Variants in CA8 observed in about 807,000 individuals in gnomAD.
CA8 encodes the protein carbonic anhydrase-related protein.
In CA8, 22 loss-of-function variants were observed where a neutral mutation model predicts 41.4. The ratio of observed to expected loss-of-function variants is 0.53; its 90% CI spans 0.38 to 0.76. The LOEUF (loss-of-function observed/expected upper bound fraction) is 0.76, where lower values mean the gene tolerates loss of function less well. CA8 is among the 30% of genes least tolerant of loss of function. CA8 has a pLI of 0.00. For missense variants in CA8, 270 were observed against 352.8 expected, an observed-to-expected ratio of 0.77 and a Z score of 1.88; for synonymous variants, 121 against 130.6, an observed-to-expected ratio of 0.93 and a Z score of 0.50.
intron 3 of CA8, among the ~76,000 whole-genome samples, chr8:60,243,672 C>T (rs1808121819): frequency 1.3e-5 from 2 of 152,154 alleles, no homozygotes; most frequent in African/African-American, 4.8e-5. Context: ...CCCACTAAAT[C>T]ACGTTTTCGC....
At chr8:60,259,910 T>C (rs571689658) in intron 3 of CA8, among the ~76,000 whole-genome samples, 1 of 152,158 alleles carries the variant, frequency 6.6e-6, no homozygotes, top group South Asian at 2.1e-4. Context: ...AATTATTACA[T>C]TTAGAGACAA....
intron 8 of CA8, among the ~76,000 whole-genome samples, chr8:60,192,501 G>C (rs1260342098): frequency 6.6e-6 from 1 of 152,094 alleles, no homozygotes; most frequent in African/African-American, 2.4e-5. Flanking sequence ...GGCCCATTAT[G>C]TTTATGCCAT....
At position 60,187,226 on chromosome 8, in the gene CA8, T is replaced by C. The variant is rs1198736004; in HGVS notation, c.*2795A>G. Reference sequence around the variant, plus strand: ...TAAACAATGTACTCCTAAATAACCATTGCATCAAAAAGAAATTAAAAGGCA... The same window carrying C: ...TAAACAATGTACTCCTAAATAACCACTGCATCAAAAAGAAATTAAAAGGCA... On this transcript the variant is annotated 3_prime_UTR_variant, in exon 9 of 9. Coordinates refer to ENST00000317995, the MANE Select transcript of CA8 (RefSeq NM_004056.6). The C allele has an allele frequency of 6.6e-6, 1 of 152,034 alleles. No homozygotes were observed. The highest frequency in any genetic ancestry group is 6.6e-5 in the Admixed American group (1 of 15,250). 9.4% of individuals were successfully genotyped at this position (152,034 alleles called of 1,614,324 possible).
chr8:60,254,063 T>A (rs1321671673), intron 3 of CA8, among the ~76,000 whole-genome samples: 1 of 152,220 alleles, frequency 6.6e-6, no homozygotes, highest in African/African-American at 2.4e-5. Flanking sequence ...TTGAACTGAT[T>A]TACATTGTCA....
chr8:60,234,911 C>T (rs552442499), intron 3 of CA8, among the ~76,000 whole-genome samples: 3 of 152,332 alleles, frequency 2.0e-5, no homozygotes, highest in African/African-American at 7.2e-5. Context: ...CCTTTCTACA[C>T]CAGTAGAGGT....
intron 8 of CA8, chr8:60,208,146 C>T (rs1472305974): frequency 2.0e-5 from 3 of 152,810 alleles, no homozygotes; most frequent in Admixed American, 6.5e-5. Flanking sequence ...GTAAGGAATA[C>T]ATACATTGAA....
chr8:60,280,824 T>C (rs111928693), intron 1 of CA8, among the ~76,000 whole-genome samples: 2,977 of 151,934 alleles, frequency 0.02, 84 homozygotes, highest in African/African-American at 0.066. Flanking sequence ...GGCTCCCGGG[T>C]GAGAGCGCAG....
At chr8:60,247,768 C>T (rs1471050602) in intron 3 of CA8, among the ~76,000 whole-genome samples, 2 of 152,162 alleles carry the variant, frequency 1.3e-5, no homozygotes, top group South Asian at 2.1e-4. Context: ...TAGGTATATA[C>T]CCAGTAATGG....
intron 4 of CA8, 99 bp from the exon 5 acceptor site, chr8:60,227,034 GTAACCC>G (rs1807465608): frequency 2.4e-6 from 2 of 845,902 alleles, no homozygotes; most frequent in Admixed American, 3.6e-5. Flanking sequence ...GCTCATGCCT[GTAACCC>G]CAGCACTTTG....
chr8:60,262,632 C>G (rs1585920459), intron 3 of CA8, among the ~76,000 whole-genome samples: 2 of 152,316 alleles, frequency 1.3e-5, no homozygotes, highest in Admixed American at 1.3e-4. Context: ...GCAGGAGGGT[C>G]CCTTGAGACC....
chr8:60,200,549 G>A (rs185437178), intron 8 of CA8, among the ~76,000 whole-genome samples: 1 of 152,296 alleles, frequency 6.6e-6, no homozygotes, highest in Admixed American at 6.5e-5. Context: ...TAAATCAGGA[G>A]ACGTCAGTAA....
chr8:60,203,266 T>A (rs1056868678), intron 8 of CA8, among the ~76,000 whole-genome samples: 3 of 151,632 alleles, frequency 2.0e-5, no homozygotes, highest in Non-Finnish European at 4.4e-5. Context: ...AGATTGGAGA[T>A]AAAAAAAAGA....
intron 8 of CA8, among the ~76,000 whole-genome samples, chr8:60,206,386 A>G (rs929647610): frequency 1.4e-4 from 21 of 152,108 alleles, no homozygotes; most frequent in African/African-American, 4.8e-4. Flanking sequence ...AGAGAAAATA[A>G]TAATAGTCAT....
Position 60,279,673 on chromosome 8 carries a change from A to G in CA8, c.292+16T>C, listed in dbSNP as rs1354960886. ...TTCTAGTTTAAAAGACCACACAAAC[A>G]TATTTTCTAAAATACCTGATTTTGA... is the stretch of plus-strand genomic sequence containing the variant. On this transcript the variant is annotated intron_variant, in intron 2 of 8. Transcript: ENST00000317995. The G allele has an allele frequency of 6.2e-7, 1 of 1,609,356 alleles. No individual in the cohort carries two copies. Among genetic ancestry groups the G allele is most frequent in the South Asian group, 1.1e-5 (1 of 90,972 alleles).
chr8:60,234,570 C>T (rs981524134), intron 3 of CA8, among the ~76,000 whole-genome samples: 2 of 152,056 alleles, frequency 1.3e-5, no homozygotes, highest in Non-Finnish European at 2.9e-5. Context: ...TTCTTTTTAA[C>T]AAAAGACAAA....
chr8:60,236,641 A>C (rs2130507947), intron 3 of CA8, among the ~76,000 whole-genome samples: 1 of 152,336 alleles, frequency 6.6e-6, no homozygotes, highest in East Asian at 1.9e-4. Context: ...GGGGGGATGA[A>C]GTGACAAAAC....
intron 8 of CA8, among the ~76,000 whole-genome samples, chr8:60,196,514 T>A (rs1354936741): frequency 6.6e-6 from 1 of 152,128 alleles, no homozygotes; most frequent in Non-Finnish European, 1.5e-5. Flanking sequence ...GTAAATATTG[T>A]GAGAACAGAG....
chr8:60,251,840 G>A lies in CA8; in HGVS notation c.417+14085C>T, dbSNP rs187567002. The stretch of plus-strand genomic sequence containing the variant: ...AAGTATAATTTTTCCTACAAAGAAG[G>A]CTCAAATTTAAATGTGCTCAAGAAA... On this transcript the variant is annotated intron_variant, in intron 3 of 8. Coordinates refer to ENST00000317995, the MANE Select transcript of CA8 (RefSeq NM_004056.6). Among the ~76,000 whole-genome samples, 16 of 152,232 alleles carry A rather than the reference G, an allele frequency of 1.1e-4. No individual in the cohort carries two copies. The East Asian group carries it at 2.7e-3, about 26-fold the overall frequency.
chr8:60,222,665 G>A lies in CA8; in HGVS notation c.722C>T (p.Thr241Ile). 6.2e-7 allele frequency: 1 copy of A among 1,603,874 alleles called. No individual in the cohort carries two copies. Among genetic ancestry groups the A allele is most frequent in the Non-Finnish European group, 8.5e-7 (1 of 1,170,550 alleles). The change falls in exon 7 of 9, where the codon ACT (threonine) becomes ATT (isoleucine). Residue 241 changes from threonine to isoleucine, a missense_variant. By Grantham distance (89) the Thr-to-Ile change is moderately conservative (BLOSUM62 -1). Transcript: ENST00000317995. The part of the protein sequence containing the change: ...VTWILFRYPL[T>I]ISQLQIEEFR... ...CACACTCACCTGTAGCTGGGATATAGTTAAAGGGTATCGGAATAATATCCA... is the reference window on the plus strand; with the variant it reads ...CACACTCACCTGTAGCTGGGATATAATTAAAGGGTATCGGAATAATATCCA...
Sources: gnomAD v4.1 joint callset for allele counts (sites outside exome capture counted in the v4.1 genomes callset) on GRCh38, gnomAD v4.1.1 for gene constraint, MANE v1.5 for transcripts, NCBI Gene and HGNC (gene_info 2026-07-23, HGNC 2026-07-21) for gene names.